Variants in ARHGEF28 observed in about 807,000 individuals in gnomAD.
ARHGEF28 encodes the protein Rho guanine nucleotide exchange factor 28.
A neutral mutation model predicts 206.6 loss-of-function variants in ARHGEF28; 152 were observed. The observed-to-expected ratio is 0.74, with a 90% CI of 0.64 to 0.84. The LOEUF (loss-of-function observed/expected upper bound fraction) is 0.84. ARHGEF28 is among the 40% of genes least tolerant of loss of function. The pLI, the probability that ARHGEF28 is intolerant of heterozygous loss-of-function variation, is 0.00. For synonymous variants in ARHGEF28, 763 were observed against 776.4 expected (o/e 0.98, Z 0.29); for missense variants, 2,028 against 2,073.2 (o/e 0.98, Z 0.42).
chr5:73,747,640 T>A (rs1478209238), intron 2 of ARHGEF28, among the ~76,000 whole-genome samples: 2 of 152,188 alleles, frequency 1.3e-5, no homozygotes, highest in Non-Finnish European at 2.9e-5. Flanking sequence ...TTCCATAGCA[T>A]CTTTAACTGG....
intron 35 of ARHGEF28, among the ~76,000 whole-genome samples, chr5:73,937,546 TG>T (rs1005516331): frequency 2.6e-5 from 4 of 152,332 alleles, no homozygotes; most frequent in East Asian, 3.9e-4. Context: ...TTGGCTGAAA[TG>T]TTTTTTTGTA....
chr5:73,634,646 T>A (rs924136931), intron 1 of ARHGEF28, among the ~76,000 whole-genome samples: 5 of 152,228 alleles, frequency 3.3e-5, no homozygotes, highest in African/African-American at 9.7e-5. Flanking sequence ...GGATTATGGT[T>A]AGGAAATCTC....
At chr5:73,892,483 A>C (rs1761704848) in intron 27 of ARHGEF28, among the ~76,000 whole-genome samples, 1 of 152,160 alleles carries the variant, frequency 6.6e-6, no homozygotes, top group Non-Finnish European at 1.5e-5. Flanking sequence ...CTCCTCCATG[A>C]GGACCCCTTC....
At chr5:73,875,421 T>A (rs1760400780) in intron 22 of ARHGEF28, among the ~76,000 whole-genome samples, 1 of 150,208 alleles carries the variant, frequency 6.7e-6, no homozygotes, top group Non-Finnish European at 1.5e-5. Context: ...CTCTTTAGTT[T>A]AATTAGATCC....
intron 14 of ARHGEF28, among the ~76,000 whole-genome samples, chr5:73,854,450 T>C (rs147361746): frequency 6.8e-4 from 104 of 152,296 alleles, no homozygotes; most frequent in African/African-American, 2.4e-3. Flanking sequence ...ATTTCCTCCT[T>C]CTCCTCCTCT....
intron 31 of ARHGEF28, chr5:73,902,734 T>C (rs1333302876): frequency 1.3e-5 from 2 of 152,186 alleles, no homozygotes; most frequent in East Asian, 1.9e-4. Flanking sequence ...GTTTTAAACA[T>C]TTACCACAAG....
At chr5:73,933,314 T>C (rs1007818432) in intron 35 of ARHGEF28, among the ~76,000 whole-genome samples, 1 of 152,242 alleles carries the variant, frequency 6.6e-6, no homozygotes, top group Non-Finnish European at 1.5e-5. Flanking sequence ...AGCCCATACC[T>C]GAATCTATCT....
chr5:73,728,882 G>A (rs571467983), intron 2 of ARHGEF28, among the ~76,000 whole-genome samples: 18 of 152,262 alleles, frequency 1.2e-4, no homozygotes, highest in Admixed American at 1.1e-3. Flanking sequence ...GGAAGACTAC[G>A]GTGCTGGCAT....
At chr5:73,785,651 A>T (rs1458413715) in intron 7 of ARHGEF28, among the ~76,000 whole-genome samples, 2 of 152,178 alleles carry the variant, frequency 1.3e-5, no homozygotes, top group Non-Finnish European at 2.9e-5. Flanking sequence ...ACCATTTGCC[A>T]CTGTATGAAT....
intron 1 of ARHGEF28, among the ~76,000 whole-genome samples, chr5:73,682,889 A>G (rs1174177265): frequency 6.6e-6 from 1 of 152,160 alleles, no homozygotes; most frequent in Non-Finnish European, 1.5e-5. Context: ...CAGGCCTCAA[A>G]TGTGCAGTGG....
chr5:73,726,577 A>G (rs531958518), intron 2 of ARHGEF28, among the ~76,000 whole-genome samples: 3 of 152,348 alleles, frequency 2.0e-5, no homozygotes, highest in South Asian at 4.1e-4. Flanking sequence ...TCAATACAGT[A>G]TACGATGAAC....
At chr5:73,885,758 C>T in intron 24 of ARHGEF28, 92 bp from the exon 25 acceptor site, 1 of 1,282,058 alleles carries the variant, frequency 7.8e-7, no homozygotes, top group Non-Finnish European at 1.0e-6. Context: ...ATACATTTAA[C>T]TATATTTTAA....
At chr5:73,663,195 A>T (rs578160186) in intron 1 of ARHGEF28, among the ~76,000 whole-genome samples, 1 of 152,288 alleles carries the variant, frequency 6.6e-6, no homozygotes, top group Non-Finnish European at 1.5e-5. Flanking sequence ...ATCTCAGATG[A>T]TCCGCCCACC....
intron 4 of ARHGEF28, among the ~76,000 whole-genome samples, chr5:73,770,067 A>G (rs934922214): frequency 6.6e-6 from 1 of 152,232 alleles, no homozygotes; most frequent in Non-Finnish European, 1.5e-5. Flanking sequence ...GGATATGGTA[A>G]TGGTTCTAAA....
rs146945550 is a variant in ARHGEF28 at position 73,731,273 on chromosome 5, G to A, written c.34-18564G>A. The stretch of plus-strand genomic sequence containing the variant: ...ATAACCAGTTAAAAAAACAAAATGC[G>A]GATCTGTGTCTATCTTGTCAGGAAT... On this transcript the variant is annotated intron_variant, in intron 2 of 35. Coordinates refer to ENST00000513042, the MANE Select transcript of ARHGEF28 (RefSeq NM_001177693.2). Among the ~76,000 whole-genome samples the A allele has an allele frequency of 4.5e-4, 69 of 152,170 alleles. 1 individual carries two copies. In the East Asian group the frequency reaches 0.01, roughly 23 times the overall value.
chr5:73,780,580 G>T, intron 6 of ARHGEF28, 96 bp from the exon 7 acceptor site: 1 of 1,267,416 alleles, frequency 7.9e-7, no homozygotes. Flanking sequence ...CTAGCTCTGA[G>T]ATCATTGATA....
Position 73,746,028 on chromosome 5 carries a change from C to T in ARHGEF28, c.34-3809C>T, listed in dbSNP as rs199725079. Among the ~76,000 whole-genome samples, 27 of 152,168 alleles carry T rather than the reference C, an allele frequency of 1.8e-4. No individual in the cohort carries two copies. In the East Asian group the frequency reaches 5.2e-3, roughly 29 times the overall value. On this transcript the variant is annotated intron_variant, in intron 2 of 35. Transcript: ENST00000513042. ...CGAGGAACTGTTTATGATCTGTTAA[C>T]ACAGGAAATACTTCCAAAGATAGTT...
At chr5:73,880,509 G>A (rs982507128) in intron 22 of ARHGEF28, among the ~76,000 whole-genome samples, 14 of 152,328 alleles carry the variant, frequency 9.2e-5, no homozygotes, top group South Asian at 2.1e-4. Flanking sequence ...GAAATCACCC[G>A]TCTTCTGCGT....
chr5:73,792,762 C>G (rs1356928840), intron 7 of ARHGEF28, among the ~76,000 whole-genome samples: 2 of 151,464 alleles, frequency 1.3e-5, no homozygotes, highest in African/African-American at 2.4e-5. Flanking sequence ...TTATAATGTG[C>G]CAAATACCAT....
Sources: gnomAD v4.1 joint callset for allele counts (sites outside exome capture counted in the v4.1 genomes callset) on GRCh38, gnomAD v4.1.1 for gene constraint, MANE v1.5 for transcripts, NCBI Gene and HGNC (gene_info 2026-07-23, HGNC 2026-07-21) for gene names.